The following LAMA5 variants were observed in gnomAD, a reference collection of about 807,000 sequenced individuals.
LAMA5 encodes the protein laminin subunit alpha-5.
Under a neutral mutation model 433.4 loss-of-function variants are expected in LAMA5, and 260 were observed. The ratio of observed to expected loss-of-function variants is 0.60; its 90% confidence interval spans 0.54 to 0.66. The LOEUF is 0.66. LAMA5 is among the 30% of genes least tolerant of loss of function. LAMA5 has a pLI of 0.00. For synonymous variants in LAMA5, 2,620 were observed against 2,226.6 expected (o/e 1.18, Z -4.97); for missense variants, 5,378 against 5,258.5 (o/e 1.02, Z -0.70).
At position 62,324,301 on chromosome 20, in the gene LAMA5, A is replaced by G; in HGVS notation, c.5644-97T>C. 1.3e-6 allele frequency: 2 copies of G among 1,502,808 alleles called. No homozygotes were observed. The highest frequency in any genetic ancestry group is 1.2e-5 in the South Asian group (1 of 82,236). 93.1% of individuals were successfully genotyped at this position (1,502,808 alleles called of 1,614,324 possible). A position where few individuals can be genotyped will look rare whatever the true frequency, so the allele number is the denominator to read the frequency against. Reference sequence around the variant, plus strand: ...CACCCCTGCCTCAGACTCTGTGCCCAAGGCCAGATGGTCCCCCACTGGGCA... The same window carrying G: ...CACCCCTGCCTCAGACTCTGTGCCCGAGGCCAGATGGTCCCCCACTGGGCA... On this transcript the variant is annotated intron_variant, in intron 42 of 79. Transcript: ENST00000252999. The surrounding 1 kb of genome is among the most constrained non-coding windows in gnomAD (Gnocchi z 4.4).
At position 62,322,675 on chromosome 20, in the gene LAMA5, G is replaced by A. The variant is rs377244239; in HGVS notation, c.6148C>T (p.Arg2050Cys). The stretch of plus-strand genomic sequence containing the variant: ...AGCCCTACCTGGCAGCGGTCACAGC[G>A]CCGCCCAGTCACGCCCGCCTTGCAC... ...CLCKAGVTGRRCDRCQEGHFG... is the reference protein window; with the variant it reads ...CLCKAGVTGRCCDRCQEGHFG... Residue 2050 changes from arginine (R) to cysteine (C), a missense_variant, in exon 46 of 80, where the codon CGC (arginine) becomes TGC (cysteine). Transcript: ENST00000252999. 6.8e-5 allele frequency: 103 copies of A among 1,505,496 alleles called. No individual in the cohort carries two copies. The highest frequency in any genetic ancestry group is 7.8e-5 in the Non-Finnish European group (88 of 1,122,676). The allele number at this position is 1,505,496 out of a possible 1,614,324, so 93.3% of individuals were successfully genotyped here.
intron 31 of LAMA5, among the ~76,000 whole-genome samples, 170 bp from the exon 32 acceptor site, chr20:62,330,086 G>A (rs1443382309): frequency 6.6e-6 from 1 of 152,252 alleles, no homozygotes; most frequent in Non-Finnish European, 1.5e-5. Context: ...TGTCACGGGG[G>A]TTGGCCGCAT....
chr20:62,316,190 A>G, intron 57 of LAMA5, 132 bp from the exon 58 acceptor site: 1 of 665,770 alleles, frequency 1.5e-6, no homozygotes, highest in African/African-American at 1.8e-5. Flanking sequence ...ACACTCAGAC[A>G]TGGAGTCCCT....
Position 62,314,641 on chromosome 20 carries a change from C to A in LAMA5, c.8281G>T (p.Ala2761Ser), listed in dbSNP as rs772288506. The A allele has an allele frequency of 6.2e-7, 1 of 1,612,596 alleles. No individual in the cohort carries two copies. Among genetic ancestry groups the A allele is most frequent in the Non-Finnish European group, 8.5e-7 (1 of 1,179,942 alleles). ...RDLADLAAYT[A>S]LKFYLQGPEP... The stretch of plus-strand genomic sequence containing the variant: ...GGGCCCTGCAGGTAGAACTTGAGGG[C>A]AGTGTAGGCAGCAAGGTCGGCAAGA... Residue 2761 changes from alanine to serine, a missense_variant, in exon 61 of 80, where the codon GCC becomes TCC. Ala to Ser is a moderately conservative substitution (Grantham distance 99, BLOSUM62 1). Transcript: ENST00000252999.
At chr20:62,332,529 T>A (rs766646552) in intron 27 of LAMA5, 28 bp downstream of exon 27, 40 of 1,605,306 alleles carry the variant, frequency 2.5e-5, no homozygotes, top group Non-Finnish European at 3.0e-5. Context: ...GGCGTGCCCT[T>A]ACTCCAGCCC....
intron 6 of LAMA5, among the ~76,000 whole-genome samples, chr20:62,349,195 C>T (rs113867387): frequency 0.022 from 2,943 of 132,866 alleles, 78 homozygotes; most frequent in African/African-American, 0.075. Flanking sequence ...GGCATGAACC[C>T]GGGAGGCGGA....
chr20:62,309,996 C>A lies in LAMA5; in HGVS notation c.10820G>T (p.Arg3607Leu). The A allele has an allele frequency of 6.2e-7, 1 of 1,610,746 alleles. No homozygotes were observed. The highest frequency in any genetic ancestry group is 8.5e-7 in the Non-Finnish European group (1 of 1,179,562). The change falls in exon 78 of 80, where the codon CGG becomes CTG. Residue 3607 changes from arginine (R) to leucine (L), a missense_variant. Physicochemically the swap from Arg to Leu is moderately radical, Grantham distance 102. Coordinates refer to ENST00000252999, the MANE Select transcript of LAMA5 (RefSeq NM_005560.6). ...PSVLCDGQWH[R>L]LAVMKSGNVL... is the part of the protein sequence containing the mutation. ...CACAGGAGGGGCCTCACCCGCTAGC[C>A]GGTGCCACTGGCCATCACACAGCAC...
At chr20:62,320,510 AAC>A in intron 50 of LAMA5, 47 bp downstream of exon 50, 1 of 1,403,926 alleles carries the variant, frequency 7.1e-7, no homozygotes, top group Non-Finnish European at 9.8e-7. Context: ...AACCGCGGGG[AAC>A]ACAGGTGAAA....
At chr20:62,344,966 C>G (rs147818558) in intron 11 of LAMA5, among the ~76,000 whole-genome samples, 1 of 152,142 alleles carries the variant, frequency 6.6e-6, no homozygotes, top group African/African-American at 2.4e-5. Flanking sequence ...TGCTTGTGTA[C>G]AGAGAGCATT....
At chr20:62,366,874 T>TC in intron 1 of LAMA5, 75 bp downstream of exon 1, 2 of 1,217,448 alleles carry the variant, frequency 1.6e-6, no homozygotes, top group Non-Finnish European at 2.0e-6. Context: ...GCCACGGCGC[T>TC]CCCCCTGGGG....
At position 62,309,246 on chromosome 20, in the gene LAMA5, T is replaced by C; in HGVS notation, c.*90A>G. The C allele has an allele frequency of 1.5e-6, 2 of 1,292,380 alleles. No homozygotes were observed. Among genetic ancestry groups the C allele is most frequent in the Admixed American group, 2.5e-5 (1 of 40,522 alleles). The allele number at this position is 1,292,380 out of a possible 1,614,324, so 80.1% of individuals were successfully genotyped here. ...AACAAGATCTGTCACCCGTAGAGCT[T>C]AGAGTCCAAATAGACACCTATGAGG... On this transcript the variant is annotated 3_prime_UTR_variant, in exon 80 of 80. Transcript: ENST00000252999.
chr20:62,317,246 C>A, intron 55 of LAMA5, 99 bp downstream of exon 55: 1 of 1,335,596 alleles, frequency 7.5e-7, no homozygotes, highest in Non-Finnish European at 9.9e-7. Flanking sequence ...AGGACAACGG[C>A]CTCAGCCCCT....
At chr20:62,364,033 G>T (rs925271967) in intron 1 of LAMA5, among the ~76,000 whole-genome samples, 1 of 152,156 alleles carries the variant, frequency 6.6e-6, no homozygotes, top group African/African-American at 2.4e-5. Context: ...GGCCTCCCCG[G>T]GGTCCCCCAG....
chr20:62,354,220 A>G (rs1313777298), intron 2 of LAMA5, among the ~76,000 whole-genome samples: 1 of 151,954 alleles, frequency 6.6e-6, no homozygotes, highest in East Asian at 1.9e-4. Context: ...CCCTGACTGC[A>G]GCCCCTCCCC....
Position 62,335,133 on chromosome 20 carries a change from G to C in LAMA5, c.2377-7C>G. The C allele has an allele frequency of 6.2e-7, 1 of 1,612,746 alleles. No individual in the cohort carries two copies. Among genetic ancestry groups the C allele is most frequent in the Non-Finnish European group, 8.5e-7 (1 of 1,179,536 alleles). On this transcript the variant is annotated splice_polypyrimidine_tract_variant and splice_region_variant and intron_variant, in intron 19 of 79. Transcript: ENST00000252999. Reference sequence around the variant, plus strand: ...AGAAGCACTGGCCGGTGCCCTGGGGGCCAAGGGAGGAGGTGAAGTGGGGCA... The same window carrying C: ...AGAAGCACTGGCCGGTGCCCTGGGGCCCAAGGGAGGAGGTGAAGTGGGGCA...
intron 36 of LAMA5, 37 bp from the exon 37 acceptor site, chr20:62,327,706 G>A (rs575683198): frequency 2.5e-6 from 4 of 1,603,308 alleles, no homozygotes; most frequent in South Asian, 1.1e-5. Context: ...GTCGGCAGGT[G>A]CCAGGTGCCT....
Position 62,362,994 on chromosome 20 carries a change from G to A in LAMA5, c.298-442C>T, listed in dbSNP as rs147968776. On this transcript the variant is annotated intron_variant, in intron 1 of 79. Coordinates refer to ENST00000252999, the MANE Select transcript of LAMA5 (RefSeq NM_005560.6). The stretch of plus-strand genomic sequence containing the variant: ...GAGCCAAAGGGAGCAAGAAGGGGCA[G>A]GAGTAAGGCAAAGCATGGCTACCCC... Among the ~76,000 whole-genome samples, 414 of 152,272 alleles carry A rather than the reference G, an allele frequency of 2.7e-3. 4 individuals are homozygous for A. The highest frequency in any genetic ancestry group is 9.1e-3 in the African/African-American group (379 of 41,562).
rs1568882814 is a variant in LAMA5, at chr20:62,309,123, C to G, written c.*213G>C. The G allele has an allele frequency of 8.1e-6, 5 of 614,706 alleles. No individual in the cohort carries two copies. Among genetic ancestry groups the G allele is most frequent in the Non-Finnish European group, 1.4e-5 (5 of 368,232 alleles). 38.1% of individuals were successfully genotyped at this position (614,706 alleles called of 1,614,324 possible). ...GAACCAGTGATGATTGGTGACAAATCTCTCACAATTAAAAATGGGTGGAAG... is the reference window on the plus strand; with the variant it reads ...GAACCAGTGATGATTGGTGACAAATGTCTCACAATTAAAAATGGGTGGAAG... On this transcript the variant is annotated 3_prime_UTR_variant, in exon 80 of 80. Coordinates refer to ENST00000252999, the MANE Select transcript of LAMA5 (RefSeq NM_005560.6).
chr20:62,330,356 T>G, intron 31 of LAMA5, 132 bp downstream of exon 31: 1 of 1,299,256 alleles, frequency 7.7e-7, no homozygotes, highest in Non-Finnish European at 1.0e-6. Context: ...GGGCAGCTAG[T>G]TTGAGAACTG....
Sources: allele counts gnomAD v4.1 joint callset (sites outside exome capture counted in the v4.1 genomes callset), GRCh38; gene constraint gnomAD v4.1.1; non-coding constraint Gnocchi (gnomAD v3.1); transcripts MANE v1.5; gene names NCBI Gene and HGNC (gene_info 2026-07-23, HGNC 2026-07-21).